The following C1orf21 variants were observed in gnomAD, a reference collection of about 807,000 sequenced individuals.
C1orf21 encodes uncharacterized protein C1orf21.
A neutral mutation model predicts 18.7 loss-of-function variants in C1orf21; 3 were observed. The ratio of observed to expected loss-of-function variants is 0.16; its 90% CI spans 0.07 to 0.42. The LOEUF (loss-of-function observed/expected upper bound fraction) is 0.42. Ranked by LOEUF, C1orf21 falls within the 10% of genes least tolerant of loss-of-function variation. The probability of loss-of-function intolerance (pLI) is 0.99; values close to 1 mark genes in which losing one functional copy is unlikely to be tolerated. For missense variants in C1orf21, 104 were observed against 143.6 expected (o/e 0.72, Z 1.41); for synonymous variants, 41 against 46.4 (o/e 0.88, Z 0.47).
At chr1:184,542,467 A>C (rs1658669272) in intron 3 of C1orf21, 1 of 152,186 alleles carries the variant, frequency 6.6e-6, no homozygotes, top group Admixed American at 6.5e-5. Flanking sequence ...CACTCAAGGG[A>C]TTCAGTAGGA....
intron 1 of C1orf21, among the ~76,000 whole-genome samples, chr1:184,460,676 CTTCT>C (rs1180549055): frequency 9.6e-6 from 1 of 103,636 alleles, no homozygotes; most frequent in East Asian, 3.2e-4. Flanking sequence ...TCTTCTTCTT[CTTCT>C]TCTTCTTTCT....
At chr1:184,395,602 T>C (rs1656039611) in intron 1 of C1orf21, among the ~76,000 whole-genome samples, 1 of 151,874 alleles carries the variant, frequency 6.6e-6, no homozygotes, top group Admixed American at 6.6e-5. Context: ...AGAATTGACA[T>C]GCGAACACAT....
intron 1 of C1orf21, among the ~76,000 whole-genome samples, chr1:184,397,388 C>T (rs906587334): frequency 2.6e-5 from 4 of 152,150 alleles, no homozygotes; most frequent in African/African-American, 7.2e-5. Flanking sequence ...AGATCAAGAC[C>T]ATCCTGGCTA....
chr1:184,433,374 A>T (rs16823149), intron 1 of C1orf21, among the ~76,000 whole-genome samples: 4 of 152,100 alleles, frequency 2.6e-5, no homozygotes, highest in African/African-American at 9.7e-5. Context: ...AAAACATGTC[A>T]TGCATTCATA....
chr1:184,518,574 G>A (rs972715158), intron 3 of C1orf21, among the ~76,000 whole-genome samples: 1 of 152,040 alleles, frequency 6.6e-6, no homozygotes, highest in Non-Finnish European at 1.5e-5. Context: ...TAATGACTCC[G>A]GTGGCTTTTG....
chr1:184,555,296 G>A (rs1658862496), intron 3 of C1orf21, among the ~76,000 whole-genome samples: 1 of 152,124 alleles, frequency 6.6e-6, no homozygotes, highest in South Asian at 2.1e-4. Flanking sequence ...GGAAATCTCA[G>A]GGACTGGCAT....
At chr1:184,573,559 A>G (rs1381351886) in intron 3 of C1orf21, among the ~76,000 whole-genome samples, 1 of 152,212 alleles carries the variant, frequency 6.6e-6, no homozygotes, top group Non-Finnish European at 1.5e-5. Flanking sequence ...TTATTTTCAC[A>G]TTGAAAGTCA....
intron 3 of C1orf21, 149 bp from the exon 4 acceptor site, chr1:184,590,590 A>G: frequency 1.5e-6 from 1 of 669,998 alleles, no homozygotes; most frequent in Non-Finnish European, 2.6e-6. Flanking sequence ...TCTGTGTGTC[A>G]TCTTTGCAAG....
At chr1:184,453,427 C>T (rs1314810541) in intron 1 of C1orf21, among the ~76,000 whole-genome samples, 1 of 152,138 alleles carries the variant, frequency 6.6e-6, no homozygotes, top group Non-Finnish European at 1.5e-5. Flanking sequence ...GACGAATATA[C>T]AATTTAGTGA....
chr1:184,613,891 C>G (rs1055597954), intron 5 of C1orf21, among the ~76,000 whole-genome samples: 1 of 151,912 alleles, frequency 6.6e-6, no homozygotes, highest in Non-Finnish European at 1.5e-5. Context: ...AGGGAAATCC[C>G]AGCTACTTGG....
chr1:184,460,658 CTT>C (rs1491485744), intron 1 of C1orf21, among the ~76,000 whole-genome samples: 1 of 145,658 alleles, frequency 6.9e-6, no homozygotes, highest in Admixed American at 6.9e-5. Context: ...TCTTCTTCTT[CTT>C]CTTCTTCTTC....
At chr1:184,564,382 C>T (rs901788715) in intron 3 of C1orf21, among the ~76,000 whole-genome samples, 2 of 152,144 alleles carry the variant, frequency 1.3e-5, no homozygotes, top group Non-Finnish European at 2.9e-5. Flanking sequence ...GATCTCAGCT[C>T]ACTGCAACCT....
intron 1 of C1orf21, among the ~76,000 whole-genome samples, chr1:184,400,462 C>T (rs901229290): frequency 2.0e-5 from 3 of 152,018 alleles, no homozygotes. Context: ...TATTGTTTCC[C>T]TATTTCTTCC....
At chr1:184,617,435 T>G (rs1045625197) in intron 5 of C1orf21, among the ~76,000 whole-genome samples, 10 of 152,252 alleles carry the variant, frequency 6.6e-5, no homozygotes, top group African/African-American at 2.4e-4. Context: ...ATTGTGTGGA[T>G]ACATTTGTAT....
chr1:184,618,390 G>A (rs1659864306), intron 5 of C1orf21, among the ~76,000 whole-genome samples: 2 of 152,110 alleles, frequency 1.3e-5, no homozygotes, highest in South Asian at 4.1e-4. Flanking sequence ...GAGACACAGA[G>A]AGGTAATTTT....
intron 3 of C1orf21, among the ~76,000 whole-genome samples, chr1:184,580,644 A>G (rs1014995480): frequency 5.3e-5 from 8 of 152,246 alleles, no homozygotes; most frequent in African/African-American, 4.8e-5. Flanking sequence ...CGTTGTCCCC[A>G]TAAACTTTTC....
At chr1:184,499,325 C>A (rs1384118075) in intron 2 of C1orf21, among the ~76,000 whole-genome samples, 1 of 152,108 alleles carries the variant, frequency 6.6e-6, no homozygotes, top group Non-Finnish European at 1.5e-5. Context: ...CATTAATTAC[C>A]ATATATTGGA....
chr1:184,613,198 C>T (rs763467195), intron 5 of C1orf21, among the ~76,000 whole-genome samples: 10 of 152,208 alleles, frequency 6.6e-5, no homozygotes, highest in Non-Finnish European at 1.0e-4. Flanking sequence ...GATCCACCCA[C>T]CTCGGCCTCC....
At chr1:184,519,958 A>T (rs987864039) in intron 3 of C1orf21, among the ~76,000 whole-genome samples, 5 of 152,230 alleles carry the variant, frequency 3.3e-5, no homozygotes, top group Admixed American at 2.6e-4. Flanking sequence ...TCCAGAAAAC[A>T]TAGAAATAAA....
Sources: gnomAD v4.1 joint callset for allele counts (sites outside exome capture counted in the v4.1 genomes callset) on GRCh38, gnomAD v4.1.1 for gene constraint, MANE v1.5 for transcripts, NCBI Gene and HGNC (gene_info 2026-07-23, HGNC 2026-07-21) for gene names.